The following PBX4 variants were observed in gnomAD, a reference collection of about 807,000 sequenced individuals.
PBX4 encodes pre-B-cell leukemia transcription factor 4.
PBX4 carries 26 observed loss-of-function variants against 35.1 expected under a neutral mutation model. The ratio of observed to expected loss-of-function variants is 0.74; its 90% CI spans 0.54 to 1.03. The LOEUF (loss-of-function observed/expected upper bound fraction) is 1.03. Ranked by LOEUF, PBX4 falls within the 50% of genes least tolerant of loss-of-function variation. PBX4 has a pLI of 0.00. For missense variants in PBX4, 448 were observed against 504.3 expected, an observed-to-expected ratio of 0.89 and a Z score of 1.07; for synonymous variants, 199 against 204.2, an observed-to-expected ratio of 0.97 and a Z score of 0.22.
At chr19:19,585,437 A>C (rs2061483293) in intron 2 of PBX4, among the ~76,000 whole-genome samples, 1 of 152,206 alleles carries the variant, frequency 6.6e-6, no homozygotes, top group Admixed American at 6.6e-5. Flanking sequence ...AGTTTCTGAA[A>C]TAGTGGCTGC....
chr19:19,577,430 G>A (rs529390515), intron 2 of PBX4, among the ~76,000 whole-genome samples: 2 of 152,216 alleles, frequency 1.3e-5, no homozygotes, highest in East Asian at 3.9e-4. Flanking sequence ...GTTTGTAATC[G>A]TGGGCGACCA....
At chr19:19,594,395 T>TAA (rs140724783) in intron 2 of PBX4, among the ~76,000 whole-genome samples, 6 of 126,322 alleles carry the variant, frequency 4.7e-5, no homozygotes, top group East Asian at 2.3e-4. Context: ...AAACTCTGTC[T>TAA]AAAAAAAAAA....
chr19:19,600,601 C>T (rs1249335974), intron 1 of PBX4, among the ~76,000 whole-genome samples: 1 of 151,674 alleles, frequency 6.6e-6, no homozygotes, highest in Non-Finnish European at 1.5e-5. Context: ...GATGGATCGC[C>T]TGAGGTCAGG....
At chr19:19,592,126 G>A (rs1399325068) in intron 2 of PBX4, among the ~76,000 whole-genome samples, 2 of 151,984 alleles carry the variant, frequency 1.3e-5, no homozygotes, top group African/African-American at 2.4e-5. Flanking sequence ...CAGGTGATCC[G>A]TCTGCCTCAG....
intron 2 of PBX4, among the ~76,000 whole-genome samples, chr19:19,577,773 C>T (rs917059881): frequency 6.6e-6 from 1 of 150,854 alleles, no homozygotes; most frequent in African/African-American, 2.4e-5. Flanking sequence ...GCAGGGGAAT[C>T]GCTTGGAACT....
chr19:19,586,932 A>AAAAAAGAAAAAG (rs934203120), intron 2 of PBX4, among the ~76,000 whole-genome samples: 1 of 152,116 alleles, frequency 6.6e-6, no homozygotes, highest in Non-Finnish European at 1.5e-5. Context: ...TTCCGTCTCA[A>AAAAAAGAAAAAG]AAAAAGAAAA....
intron 2 of PBX4, among the ~76,000 whole-genome samples, chr19:19,598,992 A>G (rs34316527): frequency 0.2 from 27,673 of 141,110 alleles, 3,210 homozygotes; most frequent in East Asian, 0.29. Flanking sequence ...ATCTTGGCTC[A>G]CCGCACACTC....
intron 2 of PBX4, among the ~76,000 whole-genome samples, chr19:19,573,326 A>ATACACACACAC (rs1410786143): frequency 1.2e-5 from 1 of 81,662 alleles, no homozygotes. Flanking sequence ...AAAAAAAAAA[A>ATACACACACAC]ATATACACAC....
chr19:19,578,756 C>T (rs1364387914), intron 2 of PBX4, among the ~76,000 whole-genome samples: 1 of 152,158 alleles, frequency 6.6e-6, no homozygotes, highest in Non-Finnish European at 1.5e-5. Flanking sequence ...TTTGTGTCAC[C>T]TCCAAATTCA....
At chr19:19,582,080 GC>G (rs753575360) in intron 2 of PBX4, among the ~76,000 whole-genome samples, 1 of 152,078 alleles carries the variant, frequency 6.6e-6, no homozygotes, top group African/African-American at 2.4e-5. Context: ...AGAACCCAAG[GC>G]CCCCTACCTT....
rs978845044 is a variant in PBX4 at position 19,576,758 on chromosome 19, T to C, written c.194-5925A>G. On this transcript the variant is annotated intron_variant, in intron 2 of 7. Coordinates refer to ENST00000251203, the MANE Select transcript of PBX4 (RefSeq NM_025245.3). ...TCAGCTTCCTGAGTAGTTGGAACTA[T>C]ACACATGCCACCACACCTGGCTAAT... is the stretch of plus-strand genomic sequence containing the variant. 1.4e-4 allele frequency among the ~76,000 whole-genome samples: 22 copies of C among 152,020 alleles called. 1 individual carries two copies. Among genetic ancestry groups the C allele is most frequent in the Admixed American group, 1.4e-3 (22 of 15,238 alleles).
At position 19,598,755 on chromosome 19, in the gene PBX4, T is replaced by C. The variant is rs79978969; in HGVS notation, c.193+537A>G. 1.5e-3 allele frequency among the ~76,000 whole-genome samples: 234 copies of C among 152,174 alleles called. 8 individuals are homozygous for C. The East Asian group carries it at 0.043, about 28-fold the overall frequency. On this transcript the variant is annotated intron_variant, in intron 2 of 7. Transcript: ENST00000251203. ...TTATAAACTACAAAATAAATCAGTG[T>C]GCATACTGGAAACCAGGGCAATGAT... is the stretch of plus-strand genomic sequence containing the variant.
chr19:19,590,243 C>T (rs1021235727), intron 2 of PBX4, among the ~76,000 whole-genome samples: 9 of 152,214 alleles, frequency 5.9e-5, no homozygotes, highest in African/African-American at 9.6e-5. Context: ...TCCCTAGCCC[C>T]GGGACAACCA....
chr19:19,594,085 A>T (rs1342952544), intron 2 of PBX4, among the ~76,000 whole-genome samples: 29 of 140,580 alleles, frequency 2.1e-4, no homozygotes, highest in East Asian at 1.7e-3. Context: ...TGTCTTAATT[A>T]AAAAAAAAAA....
intron 1 of PBX4, among the ~76,000 whole-genome samples, chr19:19,618,145 A>G (rs1028172605): frequency 3.3e-5 from 5 of 152,012 alleles, no homozygotes; most frequent in African/African-American, 1.2e-4. Context: ...TGGGCGACAG[A>G]GCAAGACCGT....
intron 2 of PBX4, among the ~76,000 whole-genome samples, chr19:19,579,039 A>C (rs1488427924): frequency 6.6e-6 from 1 of 152,126 alleles, no homozygotes; most frequent in African/African-American, 2.4e-5. Context: ...TGTGAGAAAT[A>C]AATTTCTATT....
At chr19:19,614,977 C>T (rs1040018656) in intron 1 of PBX4, among the ~76,000 whole-genome samples, 2 of 151,348 alleles carry the variant, frequency 1.3e-5, no homozygotes, top group Non-Finnish European at 2.9e-5. Flanking sequence ...CTAGCCAATA[C>T]GGTGAAACCC....
intron 2 of PBX4, among the ~76,000 whole-genome samples, chr19:19,586,791 C>T (rs1336532475): frequency 3.3e-5 from 5 of 151,656 alleles, no homozygotes; most frequent in African/African-American, 7.3e-5. Context: ...ATTAGCCAGG[C>T]GTGGTGGCAT....
At chr19:19,586,997 ATTTTCT>A (rs1052169475) in intron 2 of PBX4, among the ~76,000 whole-genome samples, 7 of 151,524 alleles carry the variant, frequency 4.6e-5, no homozygotes, top group Non-Finnish European at 1.0e-4. Flanking sequence ...ACCATAAACA[ATTTTCT>A]TTTTCTTTTT....
Sources: allele counts gnomAD v4.1 joint callset (sites outside exome capture counted in the v4.1 genomes callset), GRCh38; gene constraint gnomAD v4.1.1; transcripts MANE v1.5; gene names NCBI Gene and HGNC (gene_info 2026-07-23, HGNC 2026-07-21).